Variants in AGBL1 observed in about 807,000 individuals in gnomAD.
AGBL1 encodes AGBL carboxypeptidase 1.
In AGBL1, 130 loss-of-function variants were observed where a neutral mutation model predicts 118.9. The observed-to-expected ratio is 1.09, with a 90% CI of 0.95 to 1.26. The LOEUF is 1.26. AGBL1 is among the 50% of genes most tolerant of loss of function. The probability of loss-of-function intolerance (pLI) is 0.00; values close to 1 mark genes in which losing one functional copy is unlikely to be tolerated. For missense variants in AGBL1, 1,584 were observed against 1,298.1 expected (o/e 1.22, Z -3.38); for synonymous variants, 555 against 478.9 (o/e 1.16, Z -2.08).
At position 86,556,279 on chromosome 15, in the gene AGBL1, C is replaced by A. The variant is rs772438369; in HGVS notation, c.2994+1742C>A. 5 of 1,611,822 alleles carry A rather than the reference C, an allele frequency of 3.1e-6. No individual in the cohort carries two copies. In the South Asian group the frequency reaches 5.5e-5, roughly 18 times the overall value. ...ATGAAAGGGCTCACCCAGTGGATGG[C>A]CTTCAGGTATTGGAGCAGCATTTAT... On this transcript the variant is annotated intron_variant, in intron 21 of 22. Transcript: ENST00000614907.
intron 24 of AGBL1, among the ~76,000 whole-genome samples, chr15:87,015,413 C>T (rs970347138): frequency 1.3e-5 from 2 of 152,020 alleles, no homozygotes; most frequent in Non-Finnish European, 2.9e-5. Flanking sequence ...ATTTTTCTAT[C>T]TGTCCTATTG....
intron 22 of AGBL1, among the ~76,000 whole-genome samples, chr15:86,799,779 G>A (rs2078624696): frequency 2.6e-5 from 4 of 152,094 alleles, no homozygotes. Flanking sequence ...CTAGGGAATT[G>A]CATATAAAAC....
intron 21 of AGBL1, among the ~76,000 whole-genome samples, chr15:86,594,532 G>A (rs533699327): frequency 1.1e-4 from 16 of 152,150 alleles, no homozygotes; most frequent in Non-Finnish European, 2.4e-4. Context: ...CTAACCTGGA[G>A]TTTTCTTTGT....
Position 86,241,517 on chromosome 15 carries a change from T to A in AGBL1, c.527-6154T>A, listed in dbSNP as rs982939917. Among the ~76,000 whole-genome samples, 10 of 152,052 alleles carry A rather than the reference T, an allele frequency of 6.6e-5. 1 individual carries two copies. The Middle Eastern group carries it at 0.027, about 414-fold the overall frequency. On this transcript the variant is annotated intron_variant, in intron 6 of 22. Coordinates refer to ENST00000614907, the MANE Select transcript of AGBL1 (RefSeq NM_001386094.1). ...CTGAGACTAGGTAACTGATAAAGAA[T>A]TTTTTTTTCTCACAGTTCTGGAGGC...
At chr15:86,806,236 A>T (rs955466480) in intron 22 of AGBL1, among the ~76,000 whole-genome samples, 5 of 152,136 alleles carry the variant, frequency 3.3e-5, no homozygotes, top group African/African-American at 1.2e-4. Flanking sequence ...CTATAGATCA[A>T]TGGGGTCAAG....
chr15:86,917,577 G>A (rs1294365700), downstream of AGBL1, among the ~76,000 whole-genome samples: 1 of 152,196 alleles, frequency 6.6e-6, no homozygotes. This position sits in a 1 kb window ranked among gnomAD's most constrained non-coding sequence, Gnocchi z 4.8. Flanking sequence ...AACATATGCG[G>A]ATCACCTCTA....
At chr15:87,028,105 C>T (rs2081752667) in intron 24 of AGBL1, among the ~76,000 whole-genome samples, 1 of 151,694 alleles carries the variant, frequency 6.6e-6, no homozygotes, top group South Asian at 2.1e-4. Flanking sequence ...GGAAAGTCTC[C>T]ATTTCCTCTA....
At chr15:86,462,769 C>CT (rs919999201) in intron 18 of AGBL1, among the ~76,000 whole-genome samples, 1 of 152,106 alleles carries the variant, frequency 6.6e-6, no homozygotes, top group African/African-American at 2.4e-5. Context: ...TGAACTCATG[C>CT]TTTTTTATGG....
At chr15:86,668,149 G>C (rs1369065845) in intron 21 of AGBL1, among the ~76,000 whole-genome samples, 2 of 152,104 alleles carry the variant, frequency 1.3e-5, no homozygotes, top group African/African-American at 4.8e-5. Flanking sequence ...TCACCTCCAT[G>C]AACCAAACAC....
At chr15:86,625,813 G>A (rs1407229662) in intron 21 of AGBL1, among the ~76,000 whole-genome samples, 1 of 152,078 alleles carries the variant, frequency 6.6e-6, no homozygotes. Flanking sequence ...AACCCTAGAG[G>A]CAGCTGAGAA....
chr15:86,998,109 C>T (rs568464530), intron 24 of AGBL1, among the ~76,000 whole-genome samples: 1 of 152,244 alleles, frequency 6.6e-6, no homozygotes, highest in South Asian at 2.1e-4. Flanking sequence ...AGATGACCTC[C>T]TAAGAATTTC....
intron 17 of AGBL1, among the ~76,000 whole-genome samples, chr15:86,392,200 G>A (rs1007684355): frequency 1.7e-4 from 26 of 151,184 alleles, no homozygotes; most frequent in Admixed American, 3.3e-4. Context: ...GCACTCTGTC[G>A]TCTATTTTTT....
At chr15:86,963,978 A>G (rs2081020326) in intron 23 of AGBL1, among the ~76,000 whole-genome samples, 1 of 148,692 alleles carries the variant, frequency 6.7e-6, no homozygotes, top group African/African-American at 2.5e-5. Context: ...TCTGCAAGCA[A>G]TCAGACTAAT....
At chr15:86,517,704 A>G (rs1257268762) in intron 18 of AGBL1, among the ~76,000 whole-genome samples, 2 of 152,214 alleles carry the variant, frequency 1.3e-5, no homozygotes, top group Non-Finnish European at 1.5e-5. Context: ...GACAAAAAAT[A>G]TCCTGAACAT....
chr15:86,081,103 G>T (rs1861544660), intron 1 of AGBL1, among the ~76,000 whole-genome samples: 1 of 152,182 alleles, frequency 6.6e-6, no homozygotes, highest in African/African-American at 2.4e-5. Context: ...GAGTGCAATG[G>T]TGTGATCTCG....
intron 18 of AGBL1, among the ~76,000 whole-genome samples, chr15:86,462,034 A>C (rs897847359): frequency 3.9e-5 from 6 of 152,142 alleles, no homozygotes; most frequent in African/African-American, 1.4e-4. Context: ...AATTACTTAC[A>C]AACTATGAGT....
chr15:86,708,493 A>G (rs2086494015), intron 22 of AGBL1, among the ~76,000 whole-genome samples: 1 of 152,128 alleles, frequency 6.6e-6, no homozygotes, highest in South Asian at 2.1e-4. Context: ...GAGAAAACAA[A>G]TTGCTATTGT....
intron 21 of AGBL1, among the ~76,000 whole-genome samples, chr15:86,560,702 G>C (rs1178603558): frequency 1.3e-5 from 2 of 152,174 alleles, no homozygotes; most frequent in African/African-American, 4.8e-5. Flanking sequence ...CTAGATCCTT[G>C]AGGAATCGCC....
intron 1 of AGBL1, among the ~76,000 whole-genome samples, chr15:86,084,777 G>C (rs564150668): frequency 6.6e-6 from 1 of 152,170 alleles, no homozygotes; most frequent in African/African-American, 2.4e-5. Context: ...TGGGTCAACT[G>C]GATGTTTTCA....
Sources: allele counts gnomAD v4.1 joint callset (sites outside exome capture counted in the v4.1 genomes callset), GRCh38; gene constraint gnomAD v4.1.1; non-coding constraint Gnocchi (gnomAD v3.1); transcripts MANE v1.5; gene names NCBI Gene and HGNC (gene_info 2026-07-23, HGNC 2026-07-21).